MYO1D: variants seen among roughly 807,000 people sequenced by gnomAD.
The protein encoded by MYO1D is myosin ID, also known as unconventional myosin-Id.
Under a neutral mutation model 122.0 loss-of-function variants are expected in MYO1D, and 83 were observed. The ratio of observed to expected loss-of-function variants is 0.68; its 90% CI spans 0.57 to 0.82. The LOEUF (loss-of-function observed/expected upper bound fraction) is 0.82, where lower values mean the gene tolerates loss of function less well. Among genes scored for constraint, MYO1D ranks in the 40% least tolerant of loss-of-function variants. MYO1D has a pLI of 0.00. For missense variants in MYO1D, 1,157 were observed against 1,269.5 expected (o/e 0.91, Z 1.35); for synonymous variants, 464 against 446.9 (o/e 1.04, Z -0.48).
At chr17:32,529,952 A>G (rs1462202639) in intron 21 of MYO1D, 1 of 152,194 alleles carries the variant, frequency 6.6e-6, no homozygotes, top group Non-Finnish European at 1.5e-5. Flanking sequence ...CACTTGAACA[A>G]TAGCGTTTTA....
intron 21 of MYO1D, among the ~76,000 whole-genome samples, chr17:32,557,979 G>C (rs1264322343): frequency 6.6e-6 from 1 of 151,954 alleles, no homozygotes; most frequent in African/African-American, 2.4e-5. Flanking sequence ...GTTATTTATA[G>C]ACACAATTTG....
At chr17:32,625,412 AATTT>A (rs1307465214) in intron 20 of MYO1D, among the ~76,000 whole-genome samples, 2 of 152,098 alleles carry the variant, frequency 1.3e-5, no homozygotes, top group Non-Finnish European at 2.9e-5. Flanking sequence ...CTTCTCTGAG[AATTT>A]ATTTCATCTA....
intron 14 of MYO1D, among the ~76,000 whole-genome samples, chr17:32,733,179 T>C (rs2089660435): frequency 6.6e-6 from 1 of 151,976 alleles, no homozygotes; most frequent in South Asian, 2.1e-4. Flanking sequence ...CGAGGCTGAG[T>C]AGGTGGAACA....
chr17:32,614,723 G>C (rs965473418), intron 20 of MYO1D, among the ~76,000 whole-genome samples: 1 of 152,206 alleles, frequency 6.6e-6, no homozygotes, highest in Non-Finnish European at 1.5e-5. Flanking sequence ...TGGCATAACT[G>C]AGAGTTTATC....
intron 5 of MYO1D, among the ~76,000 whole-genome samples, chr17:32,771,751 AATACTT>A (rs561053649): frequency 7.7e-4 from 118 of 152,362 alleles, no homozygotes; most frequent in African/African-American, 2.8e-3. Flanking sequence ...GATAAATTTT[AATACTT>A]TCACCCAAGT....
intron 19 of MYO1D, among the ~76,000 whole-genome samples, chr17:32,647,064 C>A (rs1261184636): frequency 6.6e-6 from 1 of 152,188 alleles, no homozygotes; most frequent in African/African-American, 2.4e-5. Context: ...AAATCCCTAG[C>A]ATTTGTTTTT....
intron 16 of MYO1D, among the ~76,000 whole-genome samples, chr17:32,667,887 T>C (rs1186151862): frequency 6.6e-6 from 1 of 152,204 alleles, no homozygotes; most frequent in Admixed American, 6.5e-5. Context: ...TCTGACAGCC[T>C]CCTTATAACT....
intron 21 of MYO1D, among the ~76,000 whole-genome samples, chr17:32,545,513 C>A (rs1487080296): frequency 6.6e-6 from 1 of 152,258 alleles, no homozygotes; most frequent in African/African-American, 2.4e-5. Flanking sequence ...GAATACCATT[C>A]CACCTCTTAT....
intron 1 of MYO1D, among the ~76,000 whole-genome samples, chr17:32,811,359 AG>A (rs1598118265): frequency 6.6e-6 from 1 of 152,278 alleles, no homozygotes; most frequent in East Asian, 1.9e-4. Context: ...AAGTCAAGTG[AG>A]GCCTTTCTTC....
chr17:32,625,112 C>T (rs377092105), intron 20 of MYO1D, among the ~76,000 whole-genome samples: 17 of 152,260 alleles, frequency 1.1e-4, no homozygotes, highest in African/African-American at 3.6e-4. Context: ...CCTAATGGAC[C>T]ATACCTTCGG....
chr17:32,755,541 T>A lies in MYO1D; in HGVS notation c.1418A>T (p.Glu473Val), dbSNP rs1394800906. Reference protein sequence around the residue: ...VGKVTDEMFLEALNSKLGKHA... With the variant: ...VGKVTDEMFLVALNSKLGKHA... ...TTTGCCCAATTTACTGTTAAGTGCTTCAAGAAACATTTCATCGGTGACTTT... is the reference window on the plus strand; with the variant it reads ...TTTGCCCAATTTACTGTTAAGTGCTACAAGAAACATTTCATCGGTGACTTT... The change falls in exon 11 of 22, where the codon GAA becomes GTA. Residue 473 changes from glutamate (E) to valine (V), a missense_variant. Coordinates refer to ENST00000318217, the MANE Select transcript of MYO1D (RefSeq NM_015194.3). 4 of 1,613,882 alleles carry A rather than the reference T, an allele frequency of 2.5e-6. No homozygotes were observed. The East Asian group carries it at 8.9e-5, about 36-fold the overall frequency.
intron 16 of MYO1D, among the ~76,000 whole-genome samples, chr17:32,669,558 T>C (rs918346679): frequency 6.6e-6 from 1 of 152,204 alleles, no homozygotes; most frequent in African/African-American, 2.4e-5. Flanking sequence ...TCAGTAAAAA[T>C]TGTATGCCTT....
At chr17:32,733,586 T>G (rs1364294769) in intron 14 of MYO1D, among the ~76,000 whole-genome samples, 1 of 151,204 alleles carries the variant, frequency 6.6e-6, no homozygotes, top group South Asian at 2.1e-4. Flanking sequence ...GACTCACCAT[T>G]GTGTGTGTGT....
At chr17:32,552,375 T>G (rs1400024961) in intron 21 of MYO1D, among the ~76,000 whole-genome samples, 1 of 152,104 alleles carries the variant, frequency 6.6e-6, no homozygotes, top group Non-Finnish European at 1.5e-5. Flanking sequence ...CAGCCTGGCC[T>G]GCATTGCTCA....
In MYO1D at chr17:32,561,762, C is replaced by G. The variant is rs1459065125; in HGVS notation, c.2864+43325G>C. Among the ~76,000 whole-genome samples, 3 of 149,928 alleles carry G rather than the reference C, an allele frequency of 2.0e-5. No individual in the cohort carries two copies. The East Asian group carries it at 5.8e-4, about 29-fold the overall frequency. On this transcript the variant is annotated intron_variant, in intron 21 of 21. Coordinates refer to ENST00000318217, the MANE Select transcript of MYO1D (RefSeq NM_015194.3). ...AAGAAATCAAATTTTATCCATAATA[C>G]CATCTCATCATCTAGAGAGAGAACC...
At chr17:32,677,572 GATA>G (rs2088832611) in intron 16 of MYO1D, among the ~76,000 whole-genome samples, 3 of 123,452 alleles carry the variant, frequency 2.4e-5, no homozygotes, top group Non-Finnish European at 5.0e-5. Context: ...GGGATATATA[GATA>G]GATAAATATA....
intron 1 of MYO1D, among the ~76,000 whole-genome samples, chr17:32,850,643 C>T (rs556956953): frequency 6.6e-6 from 1 of 152,190 alleles, no homozygotes; most frequent in Non-Finnish European, 1.5e-5. Context: ...ACAGGAATAA[C>T]ACAGTAGAGT....
chr17:32,532,750 G>A lies in MYO1D; in HGVS notation c.2865-37835C>T, dbSNP rs535880244. 7.5e-5 allele frequency among the ~76,000 whole-genome samples: 11 copies of A among 147,254 alleles called. No individual in the cohort carries two copies. In the South Asian group the frequency reaches 2.2e-3, roughly 29 times the overall value. On this transcript the variant is annotated intron_variant, in intron 21 of 21. Transcript: ENST00000318217. ...AAAAAAAAAAAAAAAAAAACCAAAC[G>A]AGTGCACGAGGCTGATATGCTCATT... is the stretch of plus-strand genomic sequence containing the variant.
intron 21 of MYO1D, among the ~76,000 whole-genome samples, chr17:32,580,826 T>C (rs1440925514): frequency 6.6e-6 from 1 of 152,226 alleles, no homozygotes; most frequent in African/African-American, 2.4e-5. Context: ...TTTGATTAGT[T>C]ATTTTATAAA....
Sources: gnomAD v4.1 joint callset for allele counts (sites outside exome capture counted in the v4.1 genomes callset) on GRCh38, gnomAD v4.1.1 for gene constraint, MANE v1.5 for transcripts, NCBI Gene and HGNC (gene_info 2026-07-23, HGNC 2026-07-21) for gene names.